The following PRUNE2 variants were observed in gnomAD, a reference collection of about 807,000 sequenced individuals.
PRUNE2 encodes the protein prune homolog 2 with BCH domain.
A neutral mutation model predicts 252.0 loss-of-function variants in PRUNE2; 164 were observed. The ratio of observed to expected loss-of-function variants is 0.65; its 90% confidence interval spans 0.57 to 0.74. PRUNE2 has a LOEUF of 0.74. Among genes scored for constraint, PRUNE2 ranks in the 30% least tolerant of loss-of-function variants. The probability of loss-of-function intolerance (pLI) is 0.00; values close to 1 mark genes in which losing one functional copy is unlikely to be tolerated. For missense variants in PRUNE2, 3,495 were observed against 3,711.0 expected, an observed-to-expected ratio of 0.94 and a Z score of 1.51; for synonymous variants, 1,292 against 1,350.2, an observed-to-expected ratio of 0.96 and a Z score of 0.94.
intron 9 of PRUNE2, among the ~76,000 whole-genome samples, chr9:76,685,864 T>C (rs967539088): frequency 3.3e-5 from 5 of 152,164 alleles, no homozygotes; most frequent in Non-Finnish European, 4.4e-5. Context: ...AAGGAGTATA[T>C]CAGTCCTTTC....
At chr9:76,638,693 T>A (rs1301439727) in intron 12 of PRUNE2, among the ~76,000 whole-genome samples, 2 of 152,344 alleles carry the variant, frequency 1.3e-5, no homozygotes, top group African/African-American at 4.8e-5. Context: ...TTTCTTCTGA[T>A]GGCTAAGAAA....
At chr9:76,845,118 G>C (rs2132436071) in intron 4 of PRUNE2, among the ~76,000 whole-genome samples, 1 of 150,758 alleles carries the variant, frequency 6.6e-6, no homozygotes, top group Admixed American at 6.6e-5. Flanking sequence ...ATTAACAAAA[G>C]GGTCTGCATT....
chr9:76,619,511 C>A (rs901652737), intron 17 of PRUNE2, 124 bp from the exon 18 acceptor site: 5 of 672,030 alleles, frequency 7.4e-6, no homozygotes, highest in Middle Eastern at 2.4e-4. Context: ...TGAACAAATC[C>A]ATACCTGAAC....
intron 9 of PRUNE2, among the ~76,000 whole-genome samples, chr9:76,684,163 A>G (rs1333966956): frequency 6.6e-6 from 1 of 152,122 alleles, no homozygotes; most frequent in Non-Finnish European, 1.5e-5. Context: ...TATAGTCACC[A>G]CTCTACAACA....
Position 76,612,507 on chromosome 9 carries a change from T to TG in PRUNE2, c.*2062dup, listed in dbSNP as rs1827750818. The TG allele has an allele frequency of 6.6e-6, 1 of 152,042 alleles. No individual in the cohort carries two copies. The highest frequency in any genetic ancestry group is 2.4e-5 in the African/African-American group (1 of 41,378). The allele number at this position is 152,042 out of a possible 1,614,324, so 9.4% of individuals were successfully genotyped here. A position where few individuals can be genotyped will look rare whatever the true frequency, so the allele number is the denominator to read the frequency against. ...CAAATAGGTGAACAAACAGGAATAT[T>TG]GGGTAACTGTATTTACGTCAACACT... On this transcript the variant is annotated 3_prime_UTR_variant, in exon 19 of 19. Transcript: ENST00000376718.
intron 9 of PRUNE2, among the ~76,000 whole-genome samples, chr9:76,684,797 G>A (rs2043892562): frequency 6.6e-6 from 1 of 152,024 alleles, no homozygotes; most frequent in African/African-American, 2.4e-5. Context: ...TGTTGCCCAG[G>A]CTGGAGTGCA....
At chr9:76,630,335 A>T (rs1178780278) in intron 15 of PRUNE2, among the ~76,000 whole-genome samples, 1 of 151,298 alleles carries the variant, frequency 6.6e-6, no homozygotes, top group Non-Finnish European at 1.5e-5. Context: ...TGTTCCAATA[A>T]TTGGATTTGA....
At chr9:76,655,062 G>A (rs1383823516) in intron 10 of PRUNE2, among the ~76,000 whole-genome samples, 1 of 152,164 alleles carries the variant, frequency 6.6e-6, no homozygotes, top group Non-Finnish European at 1.5e-5. Context: ...GAGCATTCTT[G>A]ATATCACATT....
chr9:76,707,950 C>T lies in PRUNE2; in HGVS notation c.4324G>A (p.Glu1442Lys). The change falls in exon 8 of 19, where the codon GAA (glutamate) becomes AAA (lysine). Residue 1442 changes from glutamate to lysine, a missense_variant. Physicochemically the swap from Glu to Lys is moderately conservative, Grantham distance 56. Transcript: ENST00000376718. ...KHLMSQRNSGETTETSDGMNF... is the reference protein window; with the variant it reads ...KHLMSQRNSGKTTETSDGMNF... The stretch of plus-strand genomic sequence containing the variant: ...ATCCCATCTGAAGTCTCAGTAGTTT[C>T]ACCTGAATTTCTTTGACTCATGAGG... 6.2e-7 allele frequency: 1 copy of T among 1,613,914 alleles called. No homozygotes were observed. Among genetic ancestry groups the T allele is most frequent in the Non-Finnish European group, 8.5e-7 (1 of 1,179,874 alleles).
In PRUNE2 at chr9:76,674,162, T is replaced by C. The variant is rs1421470261; in HGVS notation, c.8277-18660A>G. On this transcript the variant is annotated intron_variant, in intron 9 of 18. Coordinates refer to ENST00000376718, the MANE Select transcript of PRUNE2 (RefSeq NM_015225.3). ...ATTGTATATCTAGAAAACCCCACTG[T>C]CTCAGCCCAAAATCTCCTTAAGCTG... 5.9e-5 allele frequency among the ~76,000 whole-genome samples: 9 copies of C among 151,846 alleles called. No homozygotes were observed. In the East Asian group the frequency reaches 1.7e-3, roughly 30 times the overall value.
At chr9:76,625,154 A>C in intron 16 of PRUNE2, 1 of 783,826 alleles carries the variant, frequency 1.3e-6, no homozygotes, top group South Asian at 1.4e-5. Context: ...ATCATGAGAG[A>C]AAATGCCTAT....
chr9:76,903,578 C>CTATTT (rs1037003618), intron 1 of PRUNE2, among the ~76,000 whole-genome samples: 35 of 152,132 alleles, frequency 2.3e-4, no homozygotes, highest in East Asian at 7.7e-4. Flanking sequence ...AAAAATCTTA[C>CTATTT]TATTTTATTT....
At chr9:76,668,160 T>TG (rs2040560698) in intron 9 of PRUNE2, among the ~76,000 whole-genome samples, 1 of 152,204 alleles carries the variant, frequency 6.6e-6, no homozygotes, top group Non-Finnish European at 1.5e-5. Context: ...ACACATAGCC[T>TG]TTGACCAGCT....
intron 1 of PRUNE2, among the ~76,000 whole-genome samples, chr9:76,885,035 C>T (rs1251477081): frequency 6.6e-6 from 1 of 152,214 alleles, no homozygotes; most frequent in East Asian, 1.9e-4. Context: ...TTCACAGCGG[C>T]CAATCTGTGT....
At chr9:76,677,709 C>T (rs549489518) in intron 9 of PRUNE2, among the ~76,000 whole-genome samples, 2 of 152,292 alleles carry the variant, frequency 1.3e-5, no homozygotes, top group South Asian at 4.1e-4. Flanking sequence ...CATTCCCACA[C>T]AGTCGCTGCC....
At chr9:76,626,077 A>T (rs1343159345) in intron 16 of PRUNE2, among the ~76,000 whole-genome samples, 4 of 152,170 alleles carry the variant, frequency 2.6e-5, no homozygotes, top group Admixed American at 2.6e-4. Flanking sequence ...AAACACACAT[A>T]AAAAAAGGTT....
chr9:76,624,517 GA>G, intron 16 of PRUNE2, 27 bp from the exon 17 acceptor site: 1 of 1,383,904 alleles, frequency 7.2e-7, no homozygotes, highest in Non-Finnish European at 9.4e-7. Flanking sequence ...TATTGGTGTG[GA>G]AAAGAAACAA....
intron 10 of PRUNE2, among the ~76,000 whole-genome samples, chr9:76,654,322 C>T (rs549112574): frequency 2.6e-5 from 4 of 152,278 alleles, no homozygotes; most frequent in South Asian, 2.1e-4. Context: ...GCACTGTTCC[C>T]CTGTCAGTCA....
intron 1 of PRUNE2, among the ~76,000 whole-genome samples, chr9:76,893,582 C>T (rs960987886): frequency 1.3e-5 from 2 of 152,288 alleles, no homozygotes; most frequent in Middle Eastern, 3.4e-3. Flanking sequence ...GAGCCATCTA[C>T]GTAAATGCCA....
Sources: allele counts gnomAD v4.1 joint callset (sites outside exome capture counted in the v4.1 genomes callset), GRCh38; gene constraint gnomAD v4.1.1; transcripts MANE v1.5; gene names NCBI Gene and HGNC (gene_info 2026-07-23, HGNC 2026-07-21).